The following RPSA2 variants were observed in gnomAD, a reference collection of about 807,000 sequenced individuals.
RPSA2 encodes the protein small ribosomal subunit protein uS2B.
chr19:23,774,138 G>A, the RPSA2 span, among the ~76,000 whole-genome samples: 1 of 152,162 alleles, frequency 6.6e-6, no homozygotes, highest in East Asian at 1.9e-4. Flanking sequence ...CTTAGGTGAT[G>A]TGAGTCTCCT....
At chr19:23,842,530 G>GTT in the RPSA2 span, 27 of 151,098 alleles carry the variant, frequency 1.8e-4, no homozygotes, top group African/African-American at 6.3e-4. Context: ...CTAAATATGT[G>GTT]TGTTTTTTTT....
At chr19:23,817,020 A>ACACTT in the RPSA2 span, among the ~76,000 whole-genome samples, 1 of 6,344 alleles carries the variant, frequency 1.6e-4, no homozygotes, top group Non-Finnish European at 2.5e-3. Context: ...TTCAAACAAT[A>ACACTT]TACTTTAATG....
At chr19:23,811,831 A>G in the RPSA2 span, among the ~76,000 whole-genome samples, 30 of 24,150 alleles carry the variant, frequency 1.2e-3, no homozygotes, top group African/African-American at 3.0e-3. Context: ...ATTTGCTTCT[A>G]TATTTGGATT....
chr19:23,861,382 GC>G, the RPSA2 span, among the ~76,000 whole-genome samples: 10 of 151,970 alleles, frequency 6.6e-5, no homozygotes, highest in African/African-American at 2.2e-4. Flanking sequence ...AGATAAGAGA[GC>G]CCCCCCACTA....
the RPSA2 span, among the ~76,000 whole-genome samples, chr19:23,766,056 G>T: frequency 6.6e-6 from 1 of 151,928 alleles, no homozygotes; most frequent in Admixed American, 6.6e-5. Flanking sequence ...ATCAAGGAGG[G>T]CTTTATAGAA....
the RPSA2 span, among the ~76,000 whole-genome samples, chr19:23,835,176 A>G: frequency 1.3e-5 from 2 of 150,374 alleles, no homozygotes; most frequent in African/African-American, 4.9e-5. Context: ...AAATCCATAC[A>G]TTTCTGAGTC....
At chr19:23,766,320 A>G in the RPSA2 span, among the ~76,000 whole-genome samples, 1 of 151,304 alleles carries the variant, frequency 6.6e-6, no homozygotes, top group Admixed American at 6.6e-5. Context: ...GCCCAGCCTC[A>G]GAGTGTACCC....
At chr19:23,852,366 A>ACACACC in the RPSA2 span, among the ~76,000 whole-genome samples, 3 of 150,952 alleles carry the variant, frequency 2.0e-5, no homozygotes, top group African/African-American at 7.3e-5. Flanking sequence ...ACACACACAC[A>ACACACC]AATATAGAGC....
At chr19:23,785,078 G>C in the RPSA2 span, among the ~76,000 whole-genome samples, 2 of 152,162 alleles carry the variant, frequency 1.3e-5, no homozygotes, top group Non-Finnish European at 2.9e-5. Context: ...CCTTAGCCCA[G>C]CCCACAGATG....
chr19:23,854,563 C>T, the RPSA2 span, among the ~76,000 whole-genome samples: 1 of 152,282 alleles, frequency 6.6e-6, no homozygotes, highest in South Asian at 2.1e-4. Context: ...GGTTCTGTGG[C>T]AAGGGATTTC....
the RPSA2 span, among the ~76,000 whole-genome samples, chr19:23,777,267 C>T: frequency 1.3e-5 from 2 of 152,186 alleles, no homozygotes; most frequent in Non-Finnish European, 2.9e-5. Flanking sequence ...ATTCTTTTCT[C>T]CTGCCTAAAC....
the RPSA2 span, among the ~76,000 whole-genome samples, chr19:23,838,365 A>T: frequency 6.6e-6 from 1 of 152,108 alleles, no homozygotes; most frequent in Admixed American, 6.5e-5. Context: ...TTTAGCATTA[A>T]TGTTTATCAA....
At chr19:23,831,751 A>G in the RPSA2 span, 2 of 278,678 alleles carry the variant, frequency 7.2e-6, no homozygotes, top group Non-Finnish European at 1.5e-5. Context: ...AGGTGCACAA[A>G]GAAGGTTATA....
chr19:23,808,272 A>AATTTT, the RPSA2 span, among the ~76,000 whole-genome samples: 1 of 126,920 alleles, frequency 7.9e-6, no homozygotes, highest in Non-Finnish European at 1.6e-5. Flanking sequence ...TACAAAATTA[A>AATTTT]TTTTTTTTTT....
the RPSA2 span, among the ~76,000 whole-genome samples, chr19:23,854,632 T>C: frequency 2.0e-5 from 3 of 152,224 alleles, no homozygotes; most frequent in African/African-American, 7.2e-5. Context: ...TATGGCAATG[T>C]GGGCAAACAG....
the RPSA2 span, among the ~76,000 whole-genome samples, chr19:23,857,812 A>G: frequency 3.3e-5 from 5 of 152,022 alleles, no homozygotes; most frequent in South Asian, 2.1e-4. Flanking sequence ...AAAGTCTTAT[A>G]AAGTCATTTC....
At chr19:23,857,955 C>T in the RPSA2 span, among the ~76,000 whole-genome samples, 8 of 151,742 alleles carry the variant, frequency 5.3e-5, no homozygotes, top group Non-Finnish European at 7.4e-5. Flanking sequence ...GAGACAATTG[C>T]TTCATTTTAT....
At chr19:23,774,827 C>A in the RPSA2 span, among the ~76,000 whole-genome samples, 1 of 152,298 alleles carries the variant, frequency 6.6e-6, no homozygotes, top group East Asian at 1.9e-4. Flanking sequence ...TTATCCCTGA[C>A]TGAGCACCCA....
At chr19:23,764,800 T>TA in the RPSA2 span, among the ~76,000 whole-genome samples, 139 of 142,982 alleles carry the variant, frequency 9.7e-4, no homozygotes, top group South Asian at 6.0e-3. Flanking sequence ...AACTCCACTT[T>TA]AAAAAAAAAA....
Sources: gnomAD v4.1 joint callset for allele counts (sites outside exome capture counted in the v4.1 genomes callset) on GRCh38, gnomAD v4.1.1 for gene constraint, MANE v1.5 for transcripts, NCBI Gene and HGNC (gene_info 2026-07-23, HGNC 2026-07-21) for gene names.